CFAP54: variants seen among roughly 807,000 people sequenced by gnomAD.
CFAP54 encodes cilia- and flagella-associated protein 54.
CFAP54 carries 290 observed loss-of-function variants against 370.4 expected under a neutral mutation model. The ratio of observed to expected loss-of-function variants is 0.78; its 90% CI spans 0.71 to 0.86. The LOEUF is 0.86. CFAP54 is among the 40% of genes least tolerant of loss of function. The pLI is 0.00. For missense variants in CFAP54, 3,399 were observed against 3,528.7 expected (o/e 0.96, Z 0.93); for synonymous variants, 1,206 against 1,236.5 (o/e 0.98, Z 0.52).
At chr12:96,604,523 G>C (rs1414920482) in intron 26 of CFAP54, among the ~76,000 whole-genome samples, 2 of 152,260 alleles carry the variant, frequency 1.3e-5, no homozygotes, top group Non-Finnish European at 2.9e-5. Flanking sequence ...GTCTGCCAAA[G>C]CTGTCTGCTG....
At chr12:96,815,211 C>T (rs1158774606) in intron 64 of CFAP54, among the ~76,000 whole-genome samples, 11 of 152,112 alleles carry the variant, frequency 7.2e-5, no homozygotes, top group African/African-American at 1.9e-4. Flanking sequence ...TCCTCTCCAG[C>T]GTCTGTTGTT....
intron 17 of CFAP54, among the ~76,000 whole-genome samples, chr12:96,556,632 G>A (rs997919339): frequency 6.6e-6 from 1 of 152,020 alleles, no homozygotes; most frequent in Admixed American, 6.6e-5. Context: ...ATTCACAATA[G>A]CAAAGACATG....
At position 96,621,702 on chromosome 12, in the gene CFAP54, A is replaced by G. The variant is rs1015454757; in HGVS notation, c.3752A>G (p.Gln1251Arg). 19 of 1,524,302 alleles carry G rather than the reference A, an allele frequency of 1.2e-5. No individual in the cohort carries two copies. The highest frequency in any genetic ancestry group is 1.5e-5 in the Non-Finnish European group (17 of 1,141,172). The allele number at this position is 1,524,302 out of a possible 1,614,324, so 94.4% of individuals were successfully genotyped here. Residue 1251 changes from glutamine to arginine, a missense_variant, in exon 27 of 68, where the codon CAA becomes CGA. Physicochemically the swap from Gln to Arg is conservative, Grantham distance 43. Transcript: ENST00000524981. ...TCTCTGTTTGATGGTAGTAATGAAC[A>G]AGAAGAAATGCCAGAGGAGGTAATT... Reference protein sequence around the residue: ...CKSLFDGSNEQEEMPEEDSSK... With the variant: ...CKSLFDGSNEREEMPEEDSSK...
intron 24 of CFAP54, among the ~76,000 whole-genome samples, chr12:96,593,441 G>T (rs1956146306): frequency 6.6e-6 from 1 of 152,038 alleles, no homozygotes. Flanking sequence ...GGATATAAAA[G>T]TGGAAAAAAT....
intron 50 of CFAP54, among the ~76,000 whole-genome samples, chr12:96,723,402 T>C (rs1486695537): frequency 6.6e-6 from 1 of 152,016 alleles, no homozygotes; most frequent in Non-Finnish European, 1.5e-5. Flanking sequence ...ACCAGTAAGA[T>C]AGAAGAAAAC....
At chr12:96,503,615 T>C (rs1325948239) in intron 2 of CFAP54, among the ~76,000 whole-genome samples, 2 of 152,166 alleles carry the variant, frequency 1.3e-5, no homozygotes, top group Non-Finnish European at 2.9e-5. Context: ...GGTATTACCA[T>C]GCACAGTGCC....
At chr12:96,561,186 G>A (rs1393712346) in intron 17 of CFAP54, among the ~76,000 whole-genome samples, 3 of 152,236 alleles carry the variant, frequency 2.0e-5, no homozygotes, top group South Asian at 4.1e-4. Flanking sequence ...ACATGTTGTG[G>A]GAGCAACCCG....
intron 47 of CFAP54, among the ~76,000 whole-genome samples, chr12:96,708,390 G>A (rs990511254): frequency 6.6e-6 from 1 of 152,116 alleles, no homozygotes; most frequent in African/African-American, 2.4e-5. Context: ...ATGAGGCACA[G>A]GTTAGAAATT....
At chr12:96,843,451 T>C (rs1285382062) in intron 66 of CFAP54, among the ~76,000 whole-genome samples, 1 of 152,194 alleles carries the variant, frequency 6.6e-6, no homozygotes, top group African/African-American at 2.4e-5. Context: ...AATTTCCCCC[T>C]TTTCAGAAAT....
At chr12:96,607,373 C>T (rs1422462366) in intron 26 of CFAP54, among the ~76,000 whole-genome samples, 1 of 151,104 alleles carries the variant, frequency 6.6e-6, no homozygotes, top group African/African-American at 2.4e-5. Flanking sequence ...TAAGGAGATA[C>T]AATCATGTGA....
chr12:96,656,633 G>A (rs923415165), intron 36 of CFAP54, among the ~76,000 whole-genome samples: 1 of 152,128 alleles, frequency 6.6e-6, no homozygotes, highest in Admixed American at 6.6e-5. Context: ...TGCCCTCCTC[G>A]GCCTCCCGAA....
At chr12:96,778,996 TA>T (rs1393528034) in intron 60 of CFAP54, among the ~76,000 whole-genome samples, 1 of 151,306 alleles carries the variant, frequency 6.6e-6, no homozygotes, top group Non-Finnish European at 1.5e-5. Context: ...TAATCCCAGT[TA>T]CTGGGAGGCT....
intron 57 of CFAP54, 64 bp from the exon 58 acceptor site, chr12:96,757,431 C>T (rs2136661378): frequency 2.2e-6 from 2 of 898,498 alleles, no homozygotes; most frequent in East Asian, 2.8e-5. Context: ...AAATTGTTGG[C>T]AAATGATACC....
At chr12:96,728,446 C>A (rs1056746407) in intron 50 of CFAP54, among the ~76,000 whole-genome samples, 1 of 152,184 alleles carries the variant, frequency 6.6e-6, no homozygotes, top group African/African-American at 2.4e-5. Flanking sequence ...ATCACTGATA[C>A]CCTTTCTTCC....
At chr12:96,791,054 C>G (rs1958686604) in intron 62 of CFAP54, among the ~76,000 whole-genome samples, 1 of 152,144 alleles carries the variant, frequency 6.6e-6, no homozygotes, top group African/African-American at 2.4e-5. Flanking sequence ...ACTGCTTGGT[C>G]CTCAAACCTT....
intron 65 of CFAP54, among the ~76,000 whole-genome samples, chr12:96,821,351 T>G (rs1565990692): frequency 6.6e-6 from 1 of 152,184 alleles, no homozygotes; most frequent in Non-Finnish European, 1.5e-5. Flanking sequence ...AGGACCTACC[T>G]TGCCTTAAGA....
chr12:96,727,027 T>C (rs1957849742), intron 50 of CFAP54, among the ~76,000 whole-genome samples: 1 of 152,246 alleles, frequency 6.6e-6, no homozygotes, highest in Admixed American at 6.5e-5. Flanking sequence ...TTGATTGCAC[T>C]GTGGTCTGAG....
chr12:96,702,128 A>G (rs184200919), intron 46 of CFAP54, among the ~76,000 whole-genome samples: 1 of 152,258 alleles, frequency 6.6e-6, no homozygotes, highest in East Asian at 1.9e-4. Flanking sequence ...AGGATGTAAG[A>G]GAAAGGAGGC....
intron 60 of CFAP54, among the ~76,000 whole-genome samples, chr12:96,776,164 ACTT>A (rs1167314217): frequency 1.3e-5 from 2 of 152,118 alleles, no homozygotes; most frequent in African/African-American, 2.4e-5. Flanking sequence ...CAAAAAGAAA[ACTT>A]CTCACAAATG....
Sources: allele counts gnomAD v4.1 joint callset (sites outside exome capture counted in the v4.1 genomes callset), GRCh38; gene constraint gnomAD v4.1.1; transcripts MANE v1.5; gene names NCBI Gene and HGNC (gene_info 2026-07-23, HGNC 2026-07-21).